Variants in WDR3 observed in about 807,000 individuals in gnomAD.
WDR3 encodes WD repeat-containing protein 3.
Under a neutral mutation model 123.7 loss-of-function variants are expected in WDR3, and 81 were observed. The observed-to-expected ratio is 0.65, with a 90% confidence interval of 0.55 to 0.79. The LOEUF (loss-of-function observed/expected upper bound fraction) is 0.79. Ranked by LOEUF, WDR3 falls within the 30% of genes least tolerant of loss-of-function variation. The pLI is 0.00. For missense variants in WDR3, 1,027 were observed against 1,123.2 expected, an observed-to-expected ratio of 0.91 and a Z score of 1.22; for synonymous variants, 390 against 388.8, an observed-to-expected ratio of 1.00 and a Z score of -0.04.
At chr1:117,942,595 A>T (rs1288107925) in intron 10 of WDR3, 51 bp downstream of exon 10, 5 of 1,522,968 alleles carry the variant, frequency 3.3e-6, no homozygotes, top group Non-Finnish European at 4.5e-6. Context: ...GCTACCAAGT[A>T]TTATTGGCTT....
chr1:117,947,829 T>C (rs1452815056), intron 12 of WDR3, among the ~76,000 whole-genome samples: 2 of 152,212 alleles, frequency 1.3e-5, no homozygotes, highest in Non-Finnish European at 2.9e-5. Context: ...ACCATGACTA[T>C]GGCATATACA....
intron 23 of WDR3, chr1:117,955,008 G>A: frequency 2.6e-6 from 1 of 383,746 alleles, no homozygotes; most frequent in Non-Finnish European, 4.6e-6. Flanking sequence ...ATGGGAGAAT[G>A]TATGTTTATC....
intron 3 of WDR3, 23 bp downstream of exon 3, chr1:117,934,705 G>A: frequency 1.2e-6 from 2 of 1,611,246 alleles, no homozygotes; most frequent in Admixed American, 1.7e-5. Flanking sequence ...ATCAGCCCAG[G>A]CTTTGATCTA....
chr1:117,940,239 A>G (rs925325508), intron 6 of WDR3, among the ~76,000 whole-genome samples: 1 of 152,210 alleles, frequency 6.6e-6, no homozygotes, highest in Non-Finnish European at 1.5e-5. Context: ...CATTGTCACT[A>G]AACAGTAGTC....
chr1:117,942,558 A>C lies in WDR3; in HGVS notation c.1097+14A>C. 1.2e-6 allele frequency: 2 copies of C among 1,602,300 alleles called. No homozygotes were observed. Among genetic ancestry groups the C allele is most frequent in the Non-Finnish European group, 1.7e-6 (2 of 1,170,180 alleles). ...TGCCAAAATCAAGTGAGTAAAAATAAATTATCTGAAGTTATAGAAATAGTA... is the reference window on the plus strand; with the variant it reads ...TGCCAAAATCAAGTGAGTAAAAATACATTATCTGAAGTTATAGAAATAGTA... On this transcript the variant is annotated intron_variant, in intron 10 of 26. Transcript: ENST00000349139.
intron 11 of WDR3, among the ~76,000 whole-genome samples, chr1:117,943,975 ACTGTTTTATAC>A (rs1336203994): frequency 6.6e-6 from 1 of 152,126 alleles, no homozygotes; most frequent in East Asian, 1.9e-4. Context: ...TTCCCAGATG[ACTGTTTTATAC>A]CTTGCTTCTG....
Position 117,959,379 on chromosome 1 carries a change from A to G in WDR3, c.2764A>G (p.Thr922Ala), listed in dbSNP as rs148660903. 2.1e-5 allele frequency: 34 copies of G among 1,613,858 alleles called. No homozygotes were observed. The highest frequency in any genetic ancestry group is 1.3e-4 in the African/African-American group (10 of 74,910). ...KSEVMFFADA[T>A]SHLEEKKRKR... Reference sequence around the variant, plus strand: ...TGAAGTTATGTTTTTTGCTGATGCTACTAGCCACTTGGAAGAGAAGAAGAG... The same window carrying G: ...TGAAGTTATGTTTTTTGCTGATGCTGCTAGCCACTTGGAAGAGAAGAAGAG... The change falls in exon 27 of 27, where the codon ACT becomes GCT. Residue 922 changes from threonine (T) to alanine (A), a missense_variant. By Grantham distance (58) the Thr-to-Ala change is moderately conservative (BLOSUM62 0). Transcript: ENST00000349139.
At chr1:117,940,751 A>AAACAAC (rs1553204403) in intron 6 of WDR3, 76 bp from the exon 7 acceptor site, 4 of 1,311,446 alleles carry the variant, frequency 3.1e-6, no homozygotes, top group South Asian at 1.4e-5. Flanking sequence ...AACAACAACA[A>AAACAAC]AACAACAACA....
In WDR3 at chr1:117,939,564, C is replaced by T. The variant is rs1315910752; in HGVS notation, c.667C>T (p.Leu223=). The T allele has an allele frequency of 1.2e-6, 2 of 1,613,550 alleles. No homozygotes were observed. The highest frequency in any genetic ancestry group is 3.3e-5 in the Admixed American group (2 of 60,024). Residue 223 remains leucine, a synonymous_variant, in exon 6 of 27, where the codon CTG becomes TTG. Coordinates refer to ENST00000349139, the MANE Select transcript of WDR3 (RefSeq NM_006784.3). ...SELRVWDIAY[L]QEIEDPEEPD... ...ACTGAGGGTATGGGACATAGCTTATCTGCAAGAGGTAATTACTTCTTAAAA... is the reference window on the plus strand; with the variant it reads ...ACTGAGGGTATGGGACATAGCTTATTTGCAAGAGGTAATTACTTCTTAAAA...
chr1:117,952,805 C>T, intron 19 of WDR3, 141 bp from the exon 20 acceptor site: 1 of 1,431,244 alleles, frequency 7.0e-7, no homozygotes. Flanking sequence ...ACCATTGTCA[C>T]CCATTTCAGA....
intron 24 of WDR3, 47 bp from the exon 25 acceptor site, chr1:117,957,021 C>A: frequency 6.7e-7 from 1 of 1,489,166 alleles, no homozygotes; most frequent in South Asian, 1.4e-5. Context: ...ACCATGTTAA[C>A]AACGTTAACA....
chr1:117,943,077 G>A (rs551127909), intron 10 of WDR3, among the ~76,000 whole-genome samples: 10 of 151,646 alleles, frequency 6.6e-5, no homozygotes, highest in South Asian at 6.3e-4. Context: ...CTCACCCTCC[G>A]CAGTAACTGG....
rs372401632 is a variant in WDR3, at chr1:117,941,850, A to G, written c.989+3A>G. 67 of 1,604,442 alleles carry G rather than the reference A, an allele frequency of 4.2e-5. No homozygotes were observed. Among genetic ancestry groups the G allele is most frequent in the Admixed American group, 2.3e-4 (13 of 57,668 alleles). On this transcript the variant is annotated splice_donor_region_variant and intron_variant, in intron 9 of 26. Transcript: ENST00000349139. The stretch of plus-strand genomic sequence containing the variant: ...AAGAAAGCTAGAAAGAAAGCAAAGT[A>G]TGTTTTCTTAATACTTACATTAATA...
intron 1 of WDR3, among the ~76,000 whole-genome samples, chr1:117,930,272 G>T (rs1650659472): frequency 1.3e-5 from 2 of 152,202 alleles, no homozygotes; most frequent in Non-Finnish European, 2.9e-5. Flanking sequence ...AGTGAACAGT[G>T]CAAGTTGTAT....
Position 117,951,985 on chromosome 1 carries a change from C to CT in WDR3, c.1814dup (p.Ile606HisfsTer7). 1 of 1,613,010 alleles carries CT rather than the reference C, an allele frequency of 6.2e-7. No homozygotes were observed. Among genetic ancestry groups the CT allele is most frequent in the Non-Finnish European group, 8.5e-7 (1 of 1,179,268 alleles). On this transcript the variant is annotated frameshift_variant, in exon 17 of 27. Coordinates refer to ENST00000349139, the MANE Select transcript of WDR3 (RefSeq NM_006784.3). LOFTEE classifies it high-confidence loss of function. Reference sequence around the variant, plus strand: ...CTTTTATTTCTCATAGGATGGAGCACTCATAGCAACTGGCTCCGCTGATAG... The same window carrying CT: ...CTTTTATTTCTCATAGGATGGAGCACTTCATAGCAACTGGCTCCGCTGATAG...
intron 1 of WDR3, among the ~76,000 whole-genome samples, chr1:117,932,466 T>G (rs892032549): frequency 7.2e-5 from 11 of 152,222 alleles, no homozygotes; most frequent in African/African-American, 2.4e-4. Flanking sequence ...AATGTTTTCA[T>G]AAGCCCTCCA....
rs758927813 is a variant in WDR3 at position 117,934,642 on chromosome 1, A to G, written c.341A>G (p.Lys114Arg). The G allele has an allele frequency of 3.7e-6, 6 of 1,613,784 alleles. No individual in the cohort carries two copies. The highest frequency in any genetic ancestry group is 5.1e-6 in the Non-Finnish European group (6 of 1,179,970). Residue 114 changes from lysine to arginine, a missense_variant, in exon 3 of 27, where the codon AAG (lysine) becomes AGG (arginine). Transcript: ENST00000349139. ...NGHKAAITTL[K>R]YDQLGGRLAS... The stretch of plus-strand genomic sequence containing the variant: ...CACAAAGCAGCTATCACTACCTTGA[A>G]GTATGATCAGCTAGGAGGCAGACTG...
intron 15 of WDR3, 47 bp downstream of exon 15, chr1:117,950,177 C>T (rs1297468939): frequency 3.7e-6 from 6 of 1,605,506 alleles, no homozygotes; most frequent in Non-Finnish European, 5.1e-6. Flanking sequence ...GACTGACTGA[C>T]CTTAAGAATT....
chr1:117,956,967 T>C (rs1652290051), intron 24 of WDR3, 101 bp from the exon 25 acceptor site: 1 of 1,066,774 alleles, frequency 9.4e-7, no homozygotes, highest in Middle Eastern at 2.3e-4. Context: ...TATCCAAGTA[T>C]AAAATCAGTA....
Sources: gnomAD v4.1 joint callset for allele counts (sites outside exome capture counted in the v4.1 genomes callset) on GRCh38, gnomAD v4.1.1 for gene constraint, MANE v1.5 for transcripts, NCBI Gene and HGNC (gene_info 2026-07-23, HGNC 2026-07-21) for gene names.